The following SELE variants were observed in gnomAD, a reference collection of about 807,000 sequenced individuals.
SELE encodes selectin E, also known as E-selectin.
A neutral mutation model predicts 75.8 loss-of-function variants in SELE; 52 were observed. The ratio of observed to expected loss-of-function variants is 0.69; its 90% CI spans 0.55 to 0.86. SELE has a LOEUF of 0.86. SELE is among the 40% of genes least tolerant of loss of function. The pLI is 0.00. For missense variants in SELE, 754 were observed against 732.7 expected (o/e 1.03, Z -0.34); for synonymous variants, 285 against 258.7 (o/e 1.10, Z -0.98).
chr1:169,729,519 C>A lies in SELE; in HGVS notation c.870G>T (p.Gly290=), dbSNP rs1426954404. The change falls in exon 6 of 14, where the codon GGG becomes GGT. Residue 290 remains glycine, a synonymous_variant. Coordinates refer to ENST00000333360, the MANE Select transcript of SELE (RefSeq NM_000450.2). The part of the protein sequence containing the change: ...GAQSLQCTSS[G]NWDNEKPTCK... ...ACGTTGGCTTCTCGTTGTCCCAATT[C>A]CCAGATGAGGTACACTGAAGGCTCT... The A allele has an allele frequency of 1.2e-6, 2 of 1,614,126 alleles. No individual in the cohort carries two copies.
intron 11 of SELE, among the ~76,000 whole-genome samples, chr1:169,726,331 T>C (rs1648761807): frequency 2.0e-5 from 3 of 152,220 alleles, no homozygotes; most frequent in Admixed American, 6.5e-5. Flanking sequence ...CCATATTCCT[T>C]ATGAGAGACT....
At position 169,729,648 on chromosome 1, in the gene SELE, A is replaced by G. The variant is rs5363; in HGVS notation, c.741T>C (p.Asn247=). The change falls in exon 6 of 14, where the codon AAT becomes AAC. Residue 247 remains asparagine, a synonymous_variant. Coordinates refer to ENST00000333360, the MANE Select transcript of SELE (RefSeq NM_000450.2). ...AACATTCCACGAACCCATTGGCTGG[A>G]TTTGTCACAGCATCACACTCAACCA... ...CNVVECDAVT[N]PANGFVECFQ... 148,687 of 1,613,838 alleles carry G rather than the reference A, an allele frequency of 0.092. 7,470 individuals carry two copies. Among genetic ancestry groups the G allele is most frequent in the Middle Eastern group, 0.11 (694 of 6,058 alleles).
chr1:169,725,655 G>T, intron 13 of SELE, 74 bp downstream of exon 13: 1 of 1,267,020 alleles, frequency 7.9e-7, no homozygotes, highest in Non-Finnish European at 1.1e-6. Context: ...TGGCAAGTTT[G>T]GAGGGTTCAA....
chr1:169,730,698 GTT>G (rs60632494), intron 4 of SELE, 81 bp from the exon 5 acceptor site: 609 of 564,058 alleles, frequency 1.1e-3, no homozygotes, highest in Middle Eastern at 1.4e-3. Context: ...CTACAGTTTG[GTT>G]TTTTTTTTTT....
At chr1:169,733,163 T>C (rs1226640436) in intron 2 of SELE, among the ~76,000 whole-genome samples, 165 bp from the exon 3 acceptor site, 3 of 152,346 alleles carry the variant, frequency 2.0e-5, no homozygotes, top group Middle Eastern at 3.4e-3. Context: ...CAGCGACTTA[T>C]TGTTTATCTC....
At position 169,729,357 on chromosome 1, in the gene SELE, C is replaced by T. The variant is rs773134869; in HGVS notation, c.919G>A (p.Val307Ile). 4.2e-5 allele frequency: 67 copies of T among 1,613,606 alleles called. No individual in the cohort carries two copies. In the East Asian group the frequency reaches 5.1e-4, roughly 12 times the overall value. ...PTCKAVTCRA[V>I]RQPQNGSVRC... Reference sequence around the variant, plus strand: ...ACAGAGCCATTCTGAGGCTGGCGGACGGCCCTGCATGTCACAGCTGTAACA... The same window carrying T: ...ACAGAGCCATTCTGAGGCTGGCGGATGGCCCTGCATGTCACAGCTGTAACA... The change falls in exon 7 of 14, where the codon GTC becomes ATC. Residue 307 changes from valine (V) to isoleucine (I), a missense_variant. Val to Ile is a conservative substitution (Grantham distance 29). Transcript: ENST00000333360.
In SELE at chr1:169,732,984, C is replaced by A; in HGVS notation, c.52G>T (p.Glu18Ter). Residue 18 changes from glutamate (E) to a stop codon, truncating the protein, a stop_gained, in exon 3 of 14, where the codon GAG becomes TAG. Coordinates refer to ENST00000333360, the MANE Select transcript of SELE (RefSeq NM_000450.2). LOFTEE classifies it high-confidence loss of function. ...SALTLVLLIK[E>*]SGAWSYNTST... ...GTGTTGTAAGACCAGGCTCCACTCT[C>A]TTTAATGAGAAGCACTAGTGGGAGA... The A allele has an allele frequency of 6.3e-7, 1 of 1,587,690 alleles. No individual in the cohort carries two copies.
At chr1:169,726,925 T>C in intron 10 of SELE, 119 bp from the exon 11 acceptor site, 1 of 692,082 alleles carries the variant, frequency 1.4e-6, no homozygotes, top group Non-Finnish European at 2.5e-6. Context: ...AGCTATCTAG[T>C]TTAATACAAG....
At chr1:169,729,763 G>T in intron 5 of SELE, 90 bp from the exon 6 acceptor site, 1 of 1,237,232 alleles carries the variant, frequency 8.1e-7, no homozygotes, top group Non-Finnish European at 1.1e-6. Context: ...TGAGGAAGCT[G>T]CCTTCAAAGG....
intron 13 of SELE, 147 bp downstream of exon 13, chr1:169,725,582 T>C (rs539203709): frequency 3.9e-6 from 2 of 514,680 alleles, no homozygotes; most frequent in Middle Eastern, 5.5e-4. Context: ...CTACAAAAAA[T>C]AAAGCAACTT....
chr1:169,733,149 G>C (rs867461041), intron 2 of SELE, 151 bp from the exon 3 acceptor site: 2 of 772,406 alleles, frequency 2.6e-6, no homozygotes, highest in Middle Eastern at 3.6e-4. Context: ...TACGTATGAA[G>C]AAACAGCGAC....
At position 169,727,798 on chromosome 1, in the gene SELE, G is replaced by A. The variant is rs757843655; in HGVS notation, c.1409C>T (p.Ser470Leu). ...CTGAGATGTGCACTCAAGTTGAGTT[G>A]ATCCATGTAATTCAAATCCCTCCTC... is the stretch of plus-strand genomic sequence containing the variant. ...SCEEGFELHG[S>L]TQLECTSQGQ... The change falls in exon 9 of 14, where the codon TCA (serine) becomes TTA (leucine). Residue 470 changes from serine (S) to leucine (L), a missense_variant. Coordinates refer to ENST00000333360, the MANE Select transcript of SELE (RefSeq NM_000450.2). The A allele has an allele frequency of 2.5e-6, 4 of 1,614,048 alleles. No homozygotes were observed. The East Asian group carries it at 6.7e-5, about 27-fold the overall frequency.
intron 11 of SELE, 31 bp from the exon 12 acceptor site, chr1:169,725,959 T>A: frequency 6.2e-7 from 1 of 1,613,122 alleles, no homozygotes; most frequent in Non-Finnish European, 8.5e-7. Flanking sequence ...AACCATTAAT[T>A]CAGACTAAAT....
chr1:169,730,294 C>T (rs1304522152), intron 5 of SELE, 138 bp downstream of exon 5: 1 of 756,408 alleles, frequency 1.3e-6, no homozygotes, highest in African/African-American at 1.8e-5. Flanking sequence ...TATACATTGG[C>T]TGAGAGAACA....
chr1:169,728,188 A>G lies in SELE; in HGVS notation c.1149T>C (p.Ser383=). ...ACCCATAACGGAAACTGCCAGAAGC[A>G]CTAGGAAGACAATTCATGTAGCCTC... ...PERGYMNCLP[S]ASGSFRYGSS... The change falls in exon 8 of 14, where the codon AGT becomes AGC. Residue 383 remains serine (S), a synonymous_variant. Coordinates refer to ENST00000333360, the MANE Select transcript of SELE (RefSeq NM_000450.2). The G allele has an allele frequency of 6.2e-7, 1 of 1,614,198 alleles. No individual in the cohort carries two copies. Among genetic ancestry groups the G allele is most frequent in the Non-Finnish European group, 8.5e-7 (1 of 1,180,024 alleles).
chr1:169,730,506 T>TA lies in SELE; in HGVS notation c.640dup (p.Tyr214LeufsTer28). The TA allele has an allele frequency of 6.2e-7, 1 of 1,614,042 alleles. No individual in the cohort carries two copies. The highest frequency in any genetic ancestry group is 1.3e-5 in the African/African-American group (1 of 75,012). On this transcript the variant is annotated frameshift_variant, in exon 5 of 14. Coordinates refer to ENST00000333360, the MANE Select transcript of SELE (RefSeq NM_000450.2). LOFTEE classifies it high-confidence loss of function. ...CATGGTCTCCATGCTGCTTGGCAGG[T>TA]AACCCCTATCACAGCTGATAGAGCA...
chr1:169,727,850 A>T lies in SELE; in HGVS notation c.1357T>A (p.Tyr453Asn), dbSNP rs1648813696. 1 of 1,614,028 alleles carries T rather than the reference A, an allele frequency of 6.2e-7. No homozygotes were observed. The highest frequency in any genetic ancestry group is 1.3e-5 in the African/African-American group (1 of 74,936). Reference sequence around the variant, plus strand: ...CAGCTGAAGGCACAAGAGGACTTGTAGGTGAATTCTCCAATAGGGGAATGA... The same window carrying T: ...CAGCTGAAGGCACAAGAGGACTTGTTGGTGAATTCTCCAATAGGGGAATGA... The part of the protein sequence containing the change: ...CAHSPIGEFT[Y>N]KSSCAFSCEE... The change falls in exon 9 of 14, where the codon TAC becomes AAC. Residue 453 changes from tyrosine (Y) to asparagine (N), a missense_variant. Physicochemically the swap from Tyr to Asn is moderately radical, Grantham distance 143. Coordinates refer to ENST00000333360, the MANE Select transcript of SELE (RefSeq NM_000450.2).
At position 169,732,903 on chromosome 1, in the gene SELE, T is replaced by C; in HGVS notation, c.133A>G (p.Thr45Ala). The C allele has an allele frequency of 6.2e-7, 1 of 1,614,180 alleles. No individual in the cohort carries two copies. Among genetic ancestry groups the C allele is most frequent in the Non-Finnish European group, 8.5e-7 (1 of 1,180,014 alleles). The change falls in exon 3 of 14, where the codon ACA (threonine) becomes GCA (alanine). Residue 45 changes from threonine to alanine, a missense_variant. Physicochemically the swap from Thr to Ala is moderately conservative, Grantham distance 58 (BLOSUM62 0). Coordinates refer to ENST00000333360, the MANE Select transcript of SELE (RefSeq NM_000450.2). ...EASAYCQQRY[T>A]HLVAIQNKEE... ...TTGTTTTGAATTGCAACCAGGTGTG[T>C]GTACCTTTGCTGACAATAAGCACTG... is the stretch of plus-strand genomic sequence containing the variant.
At chr1:169,726,033 G>A in intron 11 of SELE, 105 bp from the exon 12 acceptor site, 15 of 1,261,702 alleles carry the variant, frequency 1.2e-5, no homozygotes, top group African/African-American at 3.0e-5. Flanking sequence ...TTGCAAACTC[G>A]ATGCTTCAGG....
Sources: gnomAD v4.1 joint callset for allele counts (sites outside exome capture counted in the v4.1 genomes callset) on GRCh38, gnomAD v4.1.1 for gene constraint, MANE v1.5 for transcripts, NCBI Gene and HGNC (gene_info 2026-07-23, HGNC 2026-07-21) for gene names.